CEP250: variants seen among roughly 807,000 people sequenced by gnomAD.
CEP250 encodes centrosomal protein 250, also known as centrosome-associated protein CEP250.
CEP250 carries 242 observed loss-of-function variants against 315.7 expected under a neutral mutation model. The observed-to-expected ratio is 0.77, with a 90% CI of 0.69 to 0.85. The LOEUF is 0.85. Among genes scored for constraint, CEP250 ranks in the 40% least tolerant of loss-of-function variants. The pLI, the probability that CEP250 is intolerant of heterozygous loss-of-function variation, is 0.00. For missense variants in CEP250, 2,515 were observed against 2,886.4 expected (o/e 0.87, Z 2.95); for synonymous variants, 1,088 against 1,175.0 (o/e 0.93, Z 1.51).
rs746831149 is a variant in CEP250, at chr20:35,503,452, C to T, written c.5083C>T (p.Arg1695Ter). Residue 1695 changes from arginine to a stop codon, truncating the protein, a stop_gained, in exon 30 of 35, where the codon CGA becomes TGA. Coordinates refer to ENST00000397527, the MANE Select transcript of CEP250 (RefSeq NM_007186.6). LOFTEE classifies it high-confidence loss of function. The surrounding 1 kb of genome is among the most constrained non-coding windows in gnomAD (Gnocchi z 4.2). ...ACAGATCAAGCTGTCCTTGAGAGAG[C>T]GAGGCCGGGAGCTGACCACTCAGAG... ...LEQIKLSLRE[R>*]GRELTTQRQL... The T allele has an allele frequency of 1.5e-5, 25 of 1,614,030 alleles. No individual in the cohort carries two copies. The highest frequency in any genetic ancestry group is 2.1e-5 in the Non-Finnish European group (25 of 1,179,992).
In CEP250 at chr20:35,466,123, T is replaced by C. The variant is rs769369386; in HGVS notation, c.411T>C (p.Asp137=). 6.8e-6 allele frequency: 11 copies of C among 1,613,902 alleles called. No homozygotes were observed. The highest frequency in any genetic ancestry group is 4.5e-5 in the East Asian group (2 of 44,874). Residue 137 remains aspartate, a synonymous_variant, in exon 7 of 35, where the codon GAT becomes GAC. Transcript: ENST00000397527. ...ADVVNKALRE[D]VEKLTVDWSR... ...TGGTGAATAAAGCCCTTAGGGAAGA[T>C]GTGGAAAAACTGACAGTGGACTGGA...
intron 9 of CEP250, among the ~76,000 whole-genome samples, chr20:35,469,228 A>G (rs1177667443): frequency 6.6e-6 from 1 of 152,088 alleles, no homozygotes; most frequent in East Asian, 1.9e-4. Context: ...AGGCAGGAGG[A>G]TTGCTTGAGA....
intron 20 of CEP250, among the ~76,000 whole-genome samples, chr20:35,487,005 G>A (rs224371): frequency 0.57 from 86,046 of 152,032 alleles, 29,883 homozygotes; most frequent in Non-Finnish European, 0.76. Context: ...GTCATGAAAG[G>A]GCCTTTTCTC....
chr20:35,467,374 A>G lies in CEP250; in HGVS notation c.670A>G (p.Thr224Ala), dbSNP rs1407275854. Residue 224 changes from threonine (T) to alanine (A), a missense_variant, in exon 9 of 35, where the codon ACT becomes GCT. Thr to Ala is a moderately conservative substitution (Grantham distance 58). Transcript: ENST00000397527. ...TCTGTTGACCTGTTGTCTGCGCTTG[A>G]CTGTGGGAGCACAGTCTCGGGAACC... ...GSLLTCCLRL[T>A]VGAQSREPNG... The G allele has an allele frequency of 1.2e-6, 2 of 1,614,068 alleles. No homozygotes were observed. Among genetic ancestry groups the G allele is most frequent in the East Asian group, 4.5e-5 (2 of 44,884 alleles).
rs2064452469 is a variant in CEP250 at position 35,518,252 on chromosome 20, C to G, written c.*6626C>G. On this transcript the variant is annotated 3_prime_UTR_variant, in exon 35 of 35. Transcript: ENST00000397527. ...GGACACGAGGCCGCACTACCTACAC[C>G]TTTGGGGATTCTCGGATCCTGACTC... 1.3e-5 allele frequency: 2 copies of G among 151,938 alleles called. No individual in the cohort carries two copies. Among genetic ancestry groups the G allele is most frequent in the African/African-American group, 4.8e-5 (2 of 41,330 alleles). 9.4% of individuals were successfully genotyped at this position (151,938 alleles called of 1,614,324 possible). A position where few individuals can be genotyped will look rare whatever the true frequency, so the allele number is the denominator to read the frequency against.
Position 35,490,749 on chromosome 20 carries a change from C to T in CEP250, c.2699C>T (p.Ala900Val), listed in dbSNP as rs778190698. The T allele has an allele frequency of 1.2e-6, 2 of 1,613,786 alleles. No homozygotes were observed. Among genetic ancestry groups the T allele is most frequent in the Non-Finnish European group, 1.7e-6 (2 of 1,179,956 alleles). Residue 900 changes from alanine to valine, a missense_variant, in exon 21 of 35, where the codon GCC (alanine) becomes GTC (valine). Physicochemically the swap from Ala to Val is moderately conservative, Grantham distance 64. Transcript: ENST00000397527. ...AAGGAGCAGCAGACAGAAATGGAGG[C>T]CATCCAGGCCCAGAGGGAAGAAGAA... Reference protein sequence around the residue: ...RLKEQQTEMEAIQAQREEERT... With the variant: ...RLKEQQTEMEVIQAQREEERT...
At chr20:35,480,944 G>A (rs1268702059) in intron 20 of CEP250, among the ~76,000 whole-genome samples, 1 of 152,170 alleles carries the variant, frequency 6.6e-6, no homozygotes, top group Non-Finnish European at 1.5e-5. Context: ...AGAGGATTAA[G>A]TTGGGTGATT....
intron 5 of CEP250, 62 bp downstream of exon 5, chr20:35,463,693 A>G (rs994450703): frequency 7.1e-7 from 1 of 1,402,640 alleles, no homozygotes; most frequent in Middle Eastern, 1.8e-4. Flanking sequence ...GTTAGGTTTC[A>G]TTTGTTGACT....
At chr20:35,468,336 A>G (rs1017766915) in intron 9 of CEP250, among the ~76,000 whole-genome samples, 1 of 152,152 alleles carries the variant, frequency 6.6e-6, no homozygotes, top group Admixed American at 6.5e-5. Flanking sequence ...CTCTTATTAC[A>G]GCATTGATCT....
intron 21 of CEP250, 51 bp from the exon 22 acceptor site, chr20:35,491,161 G>A: frequency 6.3e-7 from 1 of 1,592,350 alleles, no homozygotes; most frequent in South Asian, 1.1e-5. Context: ...CCTCGTTGGT[G>A]AGCATGGTAA....
At position 35,503,579 on chromosome 20, in the gene CEP250, A is replaced by G; in HGVS notation, c.5210A>G (p.Glu1737Gly). Residue 1737 changes from glutamate to glycine, a missense_variant, in exon 30 of 35, where the codon GAG (glutamate) becomes GGG (glycine). Glu to Gly is a moderately conservative substitution (Grantham distance 98, BLOSUM62 -2). Transcript: ENST00000397527. The surrounding 1 kb of genome is among the most constrained non-coding windows in gnomAD (Gnocchi z 4.2). The stretch of plus-strand genomic sequence containing the variant: ...CTGATCCTGCGTGATAAGGAGAAGG[A>G]GGTGGAATGTCAGCAGGAGCATATC... ...MKLILRDKEK[E>G]VECQQEHIHE... is the part of the protein sequence containing the mutation. 1 of 1,614,126 alleles carries G rather than the reference A, an allele frequency of 6.2e-7. No homozygotes were observed. Among genetic ancestry groups the G allele is most frequent in the South Asian group, 1.1e-5 (1 of 91,078 alleles).
chr20:35,501,520 G>C (rs1389901657), intron 28 of CEP250, among the ~76,000 whole-genome samples: 5 of 152,118 alleles, frequency 3.3e-5, no homozygotes, highest in South Asian at 2.1e-4. Context: ...GGGCTAGAAG[G>C]AACCTCCAGT....
In CEP250 at chr20:35,480,053, C is replaced by T. The variant is rs1376186804; in HGVS notation, c.2494C>T (p.Gln832Ter). ...GCAGGAGCGGGATGCTGCAGCCAGA[C>T]AGCTGGCCCAGGCTGAGCAAGAAGG... is the stretch of plus-strand genomic sequence containing the variant. ...AEQERDAAARQLAQAEQEGKT... is the reference protein window; with the variant it reads ...AEQERDAAAR The change falls in exon 20 of 35, where the codon CAG becomes TAG. Residue 832 changes from glutamine to a stop codon, truncating the protein, a stop_gained. Coordinates refer to ENST00000397527, the MANE Select transcript of CEP250 (RefSeq NM_007186.6). LOFTEE classifies it high-confidence loss of function. The T allele has an allele frequency of 2.5e-6, 4 of 1,613,294 alleles. No homozygotes were observed.
chr20:35,502,056 C>T (rs2064022416), intron 29 of CEP250, 90 bp downstream of exon 29: 1 of 1,447,128 alleles, frequency 6.9e-7, no homozygotes, highest in Non-Finnish European at 9.3e-7. Flanking sequence ...CCACTTCCTT[C>T]AGCAAGTCTG....
chr20:35,457,208 G>C (rs1040603158), intron 1 of CEP250, among the ~76,000 whole-genome samples: 1 of 152,108 alleles, frequency 6.6e-6, no homozygotes, highest in Non-Finnish European at 1.5e-5. Flanking sequence ...TATAAACCAG[G>C]CTGTGTTTTA....
At chr20:35,461,415 C>G (rs2062753316) in intron 3 of CEP250, among the ~76,000 whole-genome samples, 1 of 152,184 alleles carries the variant, frequency 6.6e-6, no homozygotes, top group Non-Finnish European at 1.5e-5. Context: ...CCATGCCTTC[C>G]CCTGTCCTGG....
At chr20:35,476,353 C>T in intron 15 of CEP250, 96 bp from the exon 16 acceptor site, 2 of 1,174,134 alleles carry the variant, frequency 1.7e-6, no homozygotes, top group Non-Finnish European at 2.5e-6. Flanking sequence ...ATTAACTGAT[C>T]TCTGTACCAA....
Position 35,502,922 on chromosome 20 carries a change from A to G in CEP250, c.4553A>G (p.Glu1518Gly), listed in dbSNP as rs1305385127. 6.2e-7 allele frequency: 1 copy of G among 1,614,240 alleles called. No individual in the cohort carries two copies. Residue 1518 changes from glutamate (E) to glycine (G), a missense_variant, in exon 30 of 35, where the codon GAG (glutamate) becomes GGG (glycine). Coordinates refer to ENST00000397527, the MANE Select transcript of CEP250 (RefSeq NM_007186.6). ...EQIRELEKDR[E>G]TQRNVLEHQL... Reference sequence around the variant, plus strand: ...ATCAGAGAGCTCGAGAAGGATCGGGAGACTCAGAGGAACGTCTTGGAGCAT... The same window carrying G: ...ATCAGAGAGCTCGAGAAGGATCGGGGGACTCAGAGGAACGTCTTGGAGCAT...
chr20:35,498,955 A>C (rs2063924820), intron 27 of CEP250, among the ~76,000 whole-genome samples: 1 of 152,090 alleles, frequency 6.6e-6, no homozygotes, highest in African/African-American at 2.4e-5. Flanking sequence ...ATGAGAGAGG[A>C]TCTTGAATGA....
Sources: gnomAD v4.1 joint callset for allele counts (sites outside exome capture counted in the v4.1 genomes callset) on GRCh38, gnomAD v4.1.1 for gene constraint, Gnocchi (gnomAD v3.1) non-coding constraint, MANE v1.5 for transcripts, NCBI Gene and HGNC (gene_info 2026-07-23, HGNC 2026-07-21) for gene names.